The following MROH2B variants were observed in gnomAD, a reference collection of about 807,000 sequenced individuals.
MROH2B encodes the protein maestro heat like repeat family member 2B.
In MROH2B, 177 loss-of-function variants were observed where a neutral mutation model predicts 208.6. That is an observed-to-expected ratio of 0.85 (90% CI 0.75 to 0.96). The LOEUF is 0.96. MROH2B is among the 40% of genes least tolerant of loss of function. The pLI, the probability that MROH2B is intolerant of heterozygous loss-of-function variation, is 0.00. For missense variants in MROH2B, 2,002 were observed against 1,878.7 expected (o/e 1.07, Z -1.21); for synonymous variants, 728 against 659.0 (o/e 1.10, Z -1.60).
intron 15 of MROH2B, 46 bp downstream of exon 15, chr5:41,049,055 T>C (rs376566685): frequency 1.3e-6 from 2 of 1,548,810 alleles, no homozygotes; most frequent in African/African-American, 1.4e-5. Context: ...GAACTATCCT[T>C]ATCAGCTTAA....
intron 19 of MROH2B, among the ~76,000 whole-genome samples, chr5:41,040,508 T>C (rs932139084): frequency 3.3e-5 from 5 of 152,184 alleles, no homozygotes; most frequent in African/African-American, 1.2e-4. Context: ...GCTTAGGAGA[T>C]TGAAAACCAA....
Position 41,065,490 on chromosome 5 carries a change from T to G in MROH2B, c.202A>C (p.Met68Leu). 1 of 1,611,794 alleles carries G rather than the reference T, an allele frequency of 6.2e-7. No homozygotes were observed. The highest frequency in any genetic ancestry group is 1.3e-5 in the African/African-American group (1 of 74,908). Residue 68 changes from methionine to leucine, a missense_variant and splice_region_variant, in exon 4 of 42, where the codon ATG becomes CTG. By Grantham distance (15) the Met-to-Leu change is conservative. Coordinates refer to ENST00000399564, the MANE Select transcript of MROH2B (RefSeq NM_173489.5). ...GCTAGCATTCTGATTTCTCTGAGCATCTGAGGAGGAAAAGAAAAATAACAA... is the reference window on the plus strand; with the variant it reads ...GCTAGCATTCTGATTTCTCTGAGCAGCTGAGGAGGAAAAGAAAAATAACAA... ...YASKDMRDNNMLREIRMLAGE... is the reference protein window; with the variant it reads ...YASKDMRDNNLLREIRMLAGE...
intron 37 of MROH2B, among the ~76,000 whole-genome samples, chr5:41,004,027 C>T (rs1741487611): frequency 1.3e-5 from 2 of 152,174 alleles, no homozygotes; most frequent in African/African-American, 4.8e-5. Flanking sequence ...TCAACCCTTT[C>T]TGAGGGGTGA....
At chr5:41,013,936 C>A (rs1216134712) in intron 29 of MROH2B, among the ~76,000 whole-genome samples, 3 of 152,192 alleles carry the variant, frequency 2.0e-5, no homozygotes, top group Non-Finnish European at 4.4e-5. Context: ...CAGTTTCCTA[C>A]AAACTGACTT....
chr5:41,040,930 G>T (rs541650508), intron 19 of MROH2B, among the ~76,000 whole-genome samples: 124 of 152,234 alleles, frequency 8.1e-4, no homozygotes, highest in African/African-American at 2.9e-3. Context: ...CTCCCAAAGT[G>T]CTGGGATTAC....
At chr5:41,020,826 T>C (rs1742121620) in intron 24 of MROH2B, among the ~76,000 whole-genome samples, 1 of 152,178 alleles carries the variant, frequency 6.6e-6, no homozygotes, top group South Asian at 2.1e-4. Flanking sequence ...TGTGAAAGCT[T>C]ATAGCTAACA....
At chr5:41,057,040 C>T (rs1490176444) in intron 9 of MROH2B, 69 bp downstream of exon 9, 3 of 1,484,392 alleles carry the variant, frequency 2.0e-6, no homozygotes, top group Non-Finnish European at 2.8e-6. Flanking sequence ...AGTTTGCCCT[C>T]CTTTTACCAT....
At position 41,053,985 on chromosome 5, in the gene MROH2B, C is replaced by CT. The variant is rs112877934; in HGVS notation, c.1107+781dup. 2.5e-3 allele frequency among the ~76,000 whole-genome samples: 372 copies of CT among 145,884 alleles called. 2 individuals carry two copies. Among genetic ancestry groups the CT allele is most frequent in the African/African-American group, 6.3e-3 (252 of 39,984 alleles). ...TTCTATAACTTCTAACATAGAACAC[C>CT]TTTTTTTTTTTAAAGAGAGAGTCTT... On this transcript the variant is annotated intron_variant, in intron 11 of 41. Coordinates refer to ENST00000399564, the MANE Select transcript of MROH2B (RefSeq NM_173489.5).
intron 24 of MROH2B, among the ~76,000 whole-genome samples, chr5:41,031,570 C>G (rs987578617): frequency 3.9e-5 from 6 of 152,012 alleles, no homozygotes; most frequent in African/African-American, 1.4e-4. Context: ...CAGAGGACTT[C>G]TATTTCTGTT....
intron 39 of MROH2B, 162 bp from the exon 40 acceptor site, chr5:40,999,941 T>C (rs1741332709): frequency 1.4e-6 from 1 of 701,990 alleles, no homozygotes; most frequent in African/African-American, 1.8e-5. Flanking sequence ...TGATCTACAT[T>C]TAATCAGGAA....
At chr5:40,999,237 G>A (rs1379045085) in intron 40 of MROH2B, among the ~76,000 whole-genome samples, 2 of 152,230 alleles carry the variant, frequency 1.3e-5, no homozygotes, top group African/African-American at 4.8e-5. Flanking sequence ...AGCAGAGCCA[G>A]GGGCTGCTGG....
Position 41,038,318 on chromosome 5 carries a change from G to A in MROH2B, c.2214+418C>T, listed in dbSNP as rs376176760. Among the ~76,000 whole-genome samples the A allele has an allele frequency of 2.6e-5, 4 of 152,174 alleles. No individual in the cohort carries two copies. The East Asian group carries it at 7.7e-4, about 29-fold the overall frequency. On this transcript the variant is annotated intron_variant, in intron 21 of 41. Coordinates refer to ENST00000399564, the MANE Select transcript of MROH2B (RefSeq NM_173489.5). ...AGTAACTGTTTTAAGTTCAAACAAGGGTGAGATCACTACGGATATGATTGA... is the reference window on the plus strand; with the variant it reads ...AGTAACTGTTTTAAGTTCAAACAAGAGTGAGATCACTACGGATATGATTGA...
chr5:41,054,785 C>G lies in MROH2B; in HGVS notation c.1089G>C (p.Met363Ile), dbSNP rs200001620. The change falls in exon 11 of 42, where the codon ATG (methionine) becomes ATC (isoleucine). Residue 363 changes from methionine to isoleucine, a missense_variant. Coordinates refer to ENST00000399564, the MANE Select transcript of MROH2B (RefSeq NM_173489.5). ...CTCTTACTTTTGTACTGAGATCACC[C>G]ATGACGATTTTGACTGTTCTTTCTA... The part of the protein sequence containing the change: ...ISIERTVKIV[M>I]GDLSTKVRNS... 5.5e-5 allele frequency: 89 copies of G among 1,611,156 alleles called. No homozygotes were observed. The African/African-American group carries it at 1.2e-3, about 21-fold the overall frequency.
intron 7 of MROH2B, 100 bp from the exon 8 acceptor site, chr5:41,057,460 T>C (rs618334): frequency 0.83 from 700,762 of 840,976 alleles, 293,503 homozygotes; most frequent in Middle Eastern, 0.87. Context: ...AAAACAAGCT[T>C]CTCATCTTCC....
intron 34 of MROH2B, among the ~76,000 whole-genome samples, chr5:41,006,860 T>C (rs1741610414): frequency 6.6e-6 from 1 of 152,122 alleles, no homozygotes; most frequent in Non-Finnish European, 1.5e-5. Context: ...AGGTGAGGGA[T>C]AAGCCTACAT....
chr5:41,017,045 T>C (rs1741978274), intron 28 of MROH2B, among the ~76,000 whole-genome samples: 1 of 152,092 alleles, frequency 6.6e-6, no homozygotes. Flanking sequence ...GCCTGACACA[T>C]GGAAAGGCAC....
chr5:41,015,819 C>A (rs951315843), intron 28 of MROH2B, among the ~76,000 whole-genome samples: 2 of 152,204 alleles, frequency 1.3e-5, no homozygotes, highest in African/African-American at 4.8e-5. Flanking sequence ...GTCTGTCTGA[C>A]ACAAATGCCC....
rs1198585566 is a variant in MROH2B at position 41,005,033 on chromosome 5, C to T, written c.3865-113G>A. ...AGAGAGGACCCCACTGCTTGTGCAG[C>T]GGAGGAGGAAGCCCTCTGGTGAACC... is the stretch of plus-strand genomic sequence containing the variant. On this transcript the variant is annotated intron_variant, in intron 35 of 41. Transcript: ENST00000399564. 16 of 1,386,900 alleles carry T rather than the reference C, an allele frequency of 1.2e-5. No individual in the cohort carries two copies. In the African/African-American group the frequency reaches 1.7e-4, roughly 15 times the overall value. 85.9% of individuals were successfully genotyped at this position (1,386,900 alleles called of 1,614,324 possible).
rs551122288 is a variant in MROH2B, at chr5:41,004,530, T to C, written c.4012-2A>G. On this transcript the variant is annotated splice_acceptor_variant, in intron 36 of 41. Transcript: ENST00000399564. LOFTEE classifies it high-confidence loss of function. ...CATTAACTGCTTATGTTTCTTCACC[T>C]ATTTTGAAATAAGACCTCTTAATCT... The C allele has an allele frequency of 5.0e-6, 8 of 1,603,302 alleles. No individual in the cohort carries two copies. The South Asian group carries it at 9.0e-5, about 18-fold the overall frequency.
Sources: allele counts gnomAD v4.1 joint callset (sites outside exome capture counted in the v4.1 genomes callset), GRCh38; gene constraint gnomAD v4.1.1; transcripts MANE v1.5; gene names NCBI Gene and HGNC (gene_info 2026-07-23, HGNC 2026-07-21).